Variants in BTNL8 observed in about 807,000 individuals in gnomAD.
BTNL8 encodes the protein butyrophilin like 8, also known as butyrophilin-like protein 8.
In BTNL8, 22 loss-of-function variants were observed where a neutral mutation model predicts 36.1. That is an observed-to-expected ratio of 0.61 (90% CI 0.44 to 0.87). The LOEUF is 0.87. Ranked by LOEUF, BTNL8 falls within the 40% of genes least tolerant of loss-of-function variation. The pLI, the probability that BTNL8 is intolerant of heterozygous loss-of-function variation, is 0.00. For missense variants in BTNL8, 526 were observed against 616.9 expected (o/e 0.85, Z 1.56); for synonymous variants, 203 against 235.6 (o/e 0.86, Z 1.27).
intron 1 of BTNL8, among the ~76,000 whole-genome samples, chr5:180,904,807 C>T (rs1335787845): frequency 6.6e-6 from 1 of 151,700 alleles, no homozygotes; most frequent in Non-Finnish European, 1.5e-5. Context: ...TCTTTGGCTC[C>T]GTTTATATGC....
At chr5:180,934,726 C>G (rs912256501) in intron 3 of BTNL8, among the ~76,000 whole-genome samples, 1 of 152,220 alleles carries the variant, frequency 6.6e-6, no homozygotes, top group Non-Finnish European at 1.5e-5. Flanking sequence ...AGAAACCATA[C>G]AGGCCCAAAG....
rs1196437428 is a variant in BTNL8 at position 180,908,951 on chromosome 5, T to C, written c.397+18T>C. On this transcript the variant is annotated intron_variant, in intron 2 of 7. Transcript: ENST00000340184. ...GGTGTCAGGTCAGTTTCATATTTCA[T>C]AACTTAGTTGTCCCAAAGAACCATC... 6.3e-7 allele frequency: 1 copy of C among 1,596,670 alleles called. No homozygotes were observed. Among genetic ancestry groups the C allele is most frequent in the East Asian group, 2.2e-5 (1 of 44,612 alleles).
intron 3 of BTNL8, among the ~76,000 whole-genome samples, chr5:180,916,327 A>G (rs1757626503): frequency 6.6e-6 from 1 of 152,222 alleles, no homozygotes; most frequent in African/African-American, 2.4e-5. Context: ...TATGGAATGT[A>G]GCAAAACCAG....
chr5:180,908,375 AC>A (rs1757210870), intron 1 of BTNL8, among the ~76,000 whole-genome samples: 1 of 152,146 alleles, frequency 6.6e-6, no homozygotes, highest in Admixed American at 6.5e-5. Context: ...CGGCTCGTGC[AC>A]GGTGCGCGCA....
At chr5:180,908,170 G>T (rs1296526747) in intron 1 of BTNL8, among the ~76,000 whole-genome samples, 1 of 152,306 alleles carries the variant, frequency 6.6e-6, no homozygotes, top group South Asian at 2.1e-4. Flanking sequence ...GAGACTCTGT[G>T]GTCATAGGAC....
At chr5:180,912,429 A>G (rs1582020152) in intron 3 of BTNL8, among the ~76,000 whole-genome samples, 1 of 47,546 alleles carries the variant, frequency 2.1e-5, no homozygotes, top group South Asian at 3.8e-4. Flanking sequence ...AACAGGATGT[A>G]TATATATATA....
intron 1 of BTNL8, among the ~76,000 whole-genome samples, chr5:180,905,833 G>A (rs1022555126): frequency 2.0e-5 from 3 of 151,182 alleles, no homozygotes; most frequent in Non-Finnish European, 3.0e-5. Flanking sequence ...GTAGTTGAGC[G>A]GCTTTGAGAT....
rs201333207 is a variant in BTNL8 at position 180,940,343 on chromosome 5, G to GA, written c.674-7154dup. Among the ~76,000 whole-genome samples, 148 of 126,290 alleles carry GA rather than the reference G, an allele frequency of 1.2e-3. No individual in the cohort carries two copies. In the Middle Eastern group the frequency reaches 0.013, roughly 11 times the overall value. 82.9% of individuals were successfully genotyped at this position (126,290 alleles called of 152,430 possible). The stretch of plus-strand genomic sequence containing the variant: ...GACAGAGCAAGACTTCATCTCAGAG[G>GA]AAAAAAAAAAAAAAAGAAACACAAG... On this transcript the variant is annotated intron_variant, in intron 3 of 7. Coordinates refer to ENST00000340184, the MANE Select transcript of BTNL8 (RefSeq NM_001040462.3).
intron 3 of BTNL8, among the ~76,000 whole-genome samples, chr5:180,916,362 A>G (rs1009749630): frequency 2.0e-5 from 3 of 151,834 alleles, no homozygotes; most frequent in Non-Finnish European, 4.4e-5. Context: ...AGCTATAAAT[A>G]TCTACATTAA....
At chr5:180,949,840 C>T (rs1759462057) in intron 7 of BTNL8, 64 bp from the exon 8 acceptor site, 2 of 1,409,366 alleles carry the variant, frequency 1.4e-6, no homozygotes, top group Non-Finnish European at 1.9e-6. Flanking sequence ...GGGTCGACCT[C>T]TTGCTCCAGC....
Position 180,899,209 on chromosome 5 carries a change from G to C in BTNL8, c.-102G>C. Reference sequence around the variant, plus strand: ...CACGCAGAGCCTCTCCGTGGCTTCCGCACCTTGAGCATTAGGCCAGTTCTC... The same window carrying C: ...CACGCAGAGCCTCTCCGTGGCTTCCCCACCTTGAGCATTAGGCCAGTTCTC... On this transcript the variant is annotated 5_prime_UTR_variant, in exon 1 of 8. Coordinates refer to ENST00000340184, the MANE Select transcript of BTNL8 (RefSeq NM_001040462.3). The C allele has an allele frequency of 7.0e-7, 1 of 1,426,092 alleles. No individual in the cohort carries two copies. Among genetic ancestry groups the C allele is most frequent in the Non-Finnish European group, 9.9e-7 (1 of 1,014,256 alleles). The allele number at this position is 1,426,092 out of a possible 1,614,324, so 88.3% of individuals were successfully genotyped here.
intron 3 of BTNL8, among the ~76,000 whole-genome samples, chr5:180,939,052 G>A (rs1758799586): frequency 6.6e-6 from 1 of 151,992 alleles, no homozygotes; most frequent in Non-Finnish European, 1.5e-5. Flanking sequence ...ATGAAAATGA[G>A]AAAGAGAAAG....
At chr5:180,930,677 G>C (rs1188351827) in intron 3 of BTNL8, among the ~76,000 whole-genome samples, 3 of 152,102 alleles carry the variant, frequency 2.0e-5, no homozygotes, top group South Asian at 2.1e-4. Flanking sequence ...TAGACAAACA[G>C]AAAGCCAAAT....
chr5:180,922,893 A>G (rs1368419011), intron 3 of BTNL8, among the ~76,000 whole-genome samples: 1 of 152,138 alleles, frequency 6.6e-6, no homozygotes, highest in Non-Finnish European at 1.5e-5. Context: ...GTGCATATAT[A>G]TTCAGGATAG....
At chr5:180,933,086 G>A (rs1758481104) in intron 3 of BTNL8, among the ~76,000 whole-genome samples, 1 of 150,426 alleles carries the variant, frequency 6.6e-6, no homozygotes, top group Admixed American at 6.6e-5. Flanking sequence ...AGAGAAAAAG[G>A]TCATTATGTA....
intron 3 of BTNL8, among the ~76,000 whole-genome samples, chr5:180,936,942 C>T (rs1006640036): frequency 6.6e-6 from 1 of 152,220 alleles, no homozygotes; most frequent in African/African-American, 2.4e-5. Context: ...AGAAATACCA[C>T]CCCCTGGAAC....
chr5:180,901,904 A>C (rs1756836590), intron 1 of BTNL8, among the ~76,000 whole-genome samples: 1 of 152,238 alleles, frequency 6.6e-6, no homozygotes, highest in East Asian at 1.9e-4. Flanking sequence ...CAGAAAACAG[A>C]CTGCAAAATC....
In BTNL8 at chr5:180,950,738, C is replaced by A; in HGVS notation, c.*194C>A. The A allele has an allele frequency of 1.7e-6, 1 of 598,062 alleles. No homozygotes were observed. The highest frequency in any genetic ancestry group is 2.8e-6 in the Non-Finnish European group (1 of 354,144). The allele number at this position is 598,062 out of a possible 1,614,324, so 37.0% of individuals were successfully genotyped here. On this transcript the variant is annotated 3_prime_UTR_variant, in exon 8 of 8. Transcript: ENST00000340184. ...TACATTTAGTTTGCTCTCACTCCAT[C>A]TGGCTAAGTGATCTTGAAATACCAC...
chr5:180,929,096 TAAATCATAACA>T (rs1395356276), intron 3 of BTNL8, among the ~76,000 whole-genome samples: 2 of 152,008 alleles, frequency 1.3e-5, no homozygotes, highest in Non-Finnish European at 2.9e-5. Context: ...CAAAAGAATG[TAAATCATAACA>T]AACAGCCTCT....
Sources: allele counts gnomAD v4.1 joint callset (sites outside exome capture counted in the v4.1 genomes callset), GRCh38; gene constraint gnomAD v4.1.1; transcripts MANE v1.5; gene names NCBI Gene and HGNC (gene_info 2026-07-23, HGNC 2026-07-21).